Variants in MTUS2 observed in about 807,000 individuals in gnomAD.
MTUS2 encodes the protein microtubule-associated tumor suppressor candidate 2.
MTUS2 carries 40 observed loss-of-function variants against 114.1 expected under a neutral mutation model. The observed-to-expected ratio is 0.35, with a 90% CI of 0.27 to 0.46. The LOEUF (loss-of-function observed/expected upper bound fraction) is 0.46. Ranked by LOEUF, MTUS2 falls within the 20% of genes least tolerant of loss-of-function variation. The pLI is 1.00. For synonymous variants in MTUS2, 688 were observed against 672.0 expected, an observed-to-expected ratio of 1.02 and a Z score of -0.37; for missense variants, 1,679 against 1,705.4, an observed-to-expected ratio of 0.98 and a Z score of 0.27.
intron 9 of MTUS2, among the ~76,000 whole-genome samples, chr13:29,452,030 A>G (rs968620583): frequency 1.3e-5 from 2 of 152,170 alleles, no homozygotes; most frequent in Non-Finnish European, 2.9e-5. Context: ...AGCTGGGAAA[A>G]TTTCAAACCA....
At position 29,207,198 on chromosome 13, in the gene MTUS2, G is replaced by A. The variant is rs148975079; in HGVS notation, c.2645-74506G>A. Among the ~76,000 whole-genome samples the A allele has an allele frequency of 5.8e-3, 886 of 152,152 alleles. 9 individuals carry two copies. The highest frequency in any genetic ancestry group is 0.02 in the African/African-American group (829 of 41,516). On this transcript the variant is annotated intron_variant, in intron 5 of 15. Coordinates refer to ENST00000612955, the MANE Select transcript of MTUS2 (RefSeq NM_001033602.4). ...CTTTGTTTTGCAGCTATTGTAAAAG[G>A]GGTTGAGTTCTTTAATTGATTGTCA...
chr13:28,831,716 C>T (rs1415699426), intron 1 of MTUS2, among the ~76,000 whole-genome samples: 1 of 150,460 alleles, frequency 6.6e-6, no homozygotes, highest in Non-Finnish European at 1.5e-5. Flanking sequence ...ACATTCCCTC[C>T]CTCCCTCCCT....
intron 2 of MTUS2, among the ~76,000 whole-genome samples, chr13:28,931,911 G>T (rs527356506): frequency 5.6e-4 from 85 of 152,104 alleles, no homozygotes; most frequent in African/African-American, 1.7e-3. Flanking sequence ...TCCCACCTAT[G>T]AGTGAGAACA....
chr13:29,289,678 G>T (rs953782961), intron 6 of MTUS2, among the ~76,000 whole-genome samples: 1 of 151,920 alleles, frequency 6.6e-6, no homozygotes, highest in Non-Finnish European at 1.5e-5. Context: ...TCTTGGCCAG[G>T]CTGGTCTTGA....
At position 29,025,674 on chromosome 13, in the gene MTUS2, G is replaced by A. The variant is rs1337599526; in HGVS notation, c.976G>A (p.Ala326Thr). The A allele has an allele frequency of 1.2e-6, 2 of 1,613,904 alleles. No individual in the cohort carries two copies. The highest frequency in any genetic ancestry group is 1.3e-5 in the African/African-American group (1 of 74,924). ...PPRRVEQEGK[A>T]AQEGYLGCHK... ...CAGGAGAGTTGAACAGGAGGGAAAG[G>A]CAGCCCAGGAAGGGTATCTGGGATG... The change falls in exon 3 of 16, where the codon GCA becomes ACA. Residue 326 changes from alanine (A) to threonine (T), a missense_variant. Physicochemically the swap from Ala to Thr is moderately conservative, Grantham distance 58. Transcript: ENST00000612955.
chr13:28,822,765 A>G (rs1795230907), intron 1 of MTUS2, among the ~76,000 whole-genome samples: 1 of 152,180 alleles, frequency 6.6e-6, no homozygotes, highest in Admixed American at 6.5e-5. Context: ...AAGGTTCCAC[A>G]GACCCTGAAT....
chr13:28,961,493 C>T (rs1401955102), intron 2 of MTUS2, among the ~76,000 whole-genome samples: 1 of 152,090 alleles, frequency 6.6e-6, no homozygotes, highest in Non-Finnish European at 1.5e-5. Flanking sequence ...TTCTATTGTA[C>T]TCCGTTATAA....
At chr13:29,232,370 G>A (rs141863353) in intron 5 of MTUS2, among the ~76,000 whole-genome samples, 3 of 152,068 alleles carry the variant, frequency 2.0e-5, no homozygotes, top group Non-Finnish European at 4.4e-5. Context: ...TGCTGATTGG[G>A]CTTGTGTCAG....
At chr13:28,970,565 A>T (rs1883808290) in intron 2 of MTUS2, among the ~76,000 whole-genome samples, 1 of 152,242 alleles carries the variant, frequency 6.6e-6, no homozygotes, top group South Asian at 2.1e-4. Context: ...AAAAGTTTGC[A>T]TCCTTCTGCT....
At chr13:29,274,626 T>G (rs953680022) in intron 5 of MTUS2, among the ~76,000 whole-genome samples, 3 of 152,222 alleles carry the variant, frequency 2.0e-5, no homozygotes, top group African/African-American at 7.2e-5. Context: ...GTGAACACCT[T>G]TTCATGTACT....
chr13:29,008,703 T>C (rs1237538722), intron 2 of MTUS2, among the ~76,000 whole-genome samples: 1 of 152,238 alleles, frequency 6.6e-6, no homozygotes, highest in African/African-American at 2.4e-5. Context: ...CAGAAATCCG[T>C]TGCCAGTGTG....
intron 1 of MTUS2, among the ~76,000 whole-genome samples, chr13:28,834,964 A>T (rs988891065): frequency 6.6e-6 from 1 of 152,232 alleles, no homozygotes; most frequent in African/African-American, 2.4e-5. Context: ...GGAAATGCAA[A>T]TTAAAACCAC....
intron 5 of MTUS2, among the ~76,000 whole-genome samples, chr13:29,114,301 T>G (rs546373466): frequency 6.6e-6 from 1 of 152,314 alleles, no homozygotes; most frequent in East Asian, 1.9e-4. Context: ...CTGGGGATGC[T>G]TTTCTAAGAC....
At chr13:29,110,591 C>T (rs375719434) in intron 5 of MTUS2, among the ~76,000 whole-genome samples, 1 of 152,160 alleles carries the variant, frequency 6.6e-6, no homozygotes, top group African/African-American at 2.4e-5. Context: ...TGTTAATCTT[C>T]CCAATTATTC....
chr13:29,386,748 A>C (rs1310032130), intron 8 of MTUS2, among the ~76,000 whole-genome samples: 1 of 152,196 alleles, frequency 6.6e-6, no homozygotes, highest in Non-Finnish European at 1.5e-5. Flanking sequence ...GTTACTCCCC[A>C]TAAGAGTAAC....
intron 2 of MTUS2, among the ~76,000 whole-genome samples, chr13:28,997,260 C>T (rs1302418990): frequency 1.3e-5 from 2 of 152,116 alleles, no homozygotes; most frequent in African/African-American, 2.4e-5. Flanking sequence ...GTCTGAGAGA[C>T]AGTTTGTTAT....
At position 29,025,418 on chromosome 13, in the gene MTUS2, T is replaced by C; in HGVS notation, c.720T>C (p.Ser240=). 2 of 1,613,322 alleles carry C rather than the reference T, an allele frequency of 1.2e-6. No individual in the cohort carries two copies. Among genetic ancestry groups the C allele is most frequent in the Middle Eastern group, 1.7e-4 (1 of 6,058 alleles). The change falls in exon 3 of 16, where the codon AGT becomes AGC. Residue 240 remains serine, a synonymous_variant. Transcript: ENST00000612955. Reference sequence around the variant, plus strand: ...CTGACAGTACCTCAGAGGGAAAGAGTGTGCGTCATCCTAAACCATCTACCT... The same window carrying C: ...CTGACAGTACCTCAGAGGGAAAGAGCGTGCGTCATCCTAAACCATCTACCT... ...PATDSTSEGK[S]VRHPKPSTSE...
chr13:29,058,079 G>A (rs1888221568), intron 4 of MTUS2, among the ~76,000 whole-genome samples: 1 of 151,906 alleles, frequency 6.6e-6, no homozygotes, highest in Non-Finnish European at 1.5e-5. Context: ...TTCTTGGTTG[G>A]AATTTATTTT....
chr13:28,976,659 G>C (rs1884121902), intron 2 of MTUS2, among the ~76,000 whole-genome samples: 1 of 152,186 alleles, frequency 6.6e-6, no homozygotes, highest in African/African-American at 2.4e-5. Flanking sequence ...GAAACATTTA[G>C]AAGTTAAAAT....
Sources: allele counts gnomAD v4.1 joint callset (sites outside exome capture counted in the v4.1 genomes callset), GRCh38; gene constraint gnomAD v4.1.1; transcripts MANE v1.5; gene names NCBI Gene and HGNC (gene_info 2026-07-23, HGNC 2026-07-21).